TEAD1: variants seen among roughly 807,000 people sequenced by gnomAD.
The protein encoded by TEAD1 is transcriptional enhancer factor TEF-1.
Under a neutral mutation model 54.9 loss-of-function variants are expected in TEAD1, and 9 were observed. The ratio of observed to expected loss-of-function variants is 0.16; its 90% confidence interval spans 0.10 to 0.29. The LOEUF (loss-of-function observed/expected upper bound fraction) is 0.29. Among genes scored for constraint, TEAD1 ranks in the 10% least tolerant of loss-of-function variants. The pLI is 1.00. For missense variants in TEAD1, 387 were observed against 535.9 expected (o/e 0.72, Z 2.74); for synonymous variants, 200 against 187.8 (o/e 1.07, Z -0.53).
intron 5 of TEAD1, chr11:12,878,835 A>G (rs1589952283): frequency 8.2e-7 from 1 of 1,215,446 alleles, no homozygotes; most frequent in Non-Finnish European, 1.1e-6. Context: ...CAAAGAAGAA[A>G]AAAAATCCCT....
chr11:12,781,092 C>T (rs910679953), intron 3 of TEAD1, among the ~76,000 whole-genome samples: 1 of 152,140 alleles, frequency 6.6e-6, no homozygotes, highest in Non-Finnish European at 1.5e-5. Context: ...CAAGACAATT[C>T]AATAGGAAAT....
At chr11:12,937,037 C>T (rs1431527014) in intron 12 of TEAD1, 72 bp from the exon 13 acceptor site, 1 of 1,044,460 alleles carries the variant, frequency 9.6e-7, no homozygotes, top group Admixed American at 1.8e-5. Flanking sequence ...CCAATTAAGT[C>T]ATAGTCGTCA....
At chr11:12,750,964 T>C (rs1459605293) in intron 2 of TEAD1, among the ~76,000 whole-genome samples, 1 of 151,610 alleles carries the variant, frequency 6.6e-6, no homozygotes, top group African/African-American at 2.4e-5. Flanking sequence ...TTCAGTCCTG[T>C]TTTTTGGGGA....
intron 3 of TEAD1, among the ~76,000 whole-genome samples, chr11:12,799,910 T>C (rs998595730): frequency 6.7e-6 from 1 of 149,086 alleles, no homozygotes; most frequent in Non-Finnish European, 1.5e-5. Context: ...GAGAATGCAG[T>C]TTTTTTGAAA....
intron 3 of TEAD1, among the ~76,000 whole-genome samples, chr11:12,826,170 T>C (rs1022820647): frequency 2.6e-5 from 4 of 152,234 alleles, no homozygotes; most frequent in African/African-American, 9.6e-5. Flanking sequence ...CGAGAAGGTT[T>C]GCTAGCTCAT....
chr11:12,719,789 G>A lies in TEAD1; in HGVS notation c.-55+44228G>A, dbSNP rs531657393. On this transcript the variant is annotated intron_variant, in intron 2 of 12. Transcript: ENST00000527636. ...CCAGCTATACAATCTTGAGCTAATAGCTAAAAAAACTCTGACTTGAAAATT... is the reference window on the plus strand; with the variant it reads ...CCAGCTATACAATCTTGAGCTAATAACTAAAAAAACTCTGACTTGAAAATT... Among the ~76,000 whole-genome samples the A allele has an allele frequency of 2.1e-3, 300 of 143,706 alleles. 1 individual carries two copies. Among genetic ancestry groups the A allele is most frequent in the African/African-American group, 8.0e-3 (267 of 33,464 alleles). The allele number at this position is 143,706 out of a possible 152,430, so 94.3% of individuals were successfully genotyped here.
intron 5 of TEAD1, among the ~76,000 whole-genome samples, chr11:12,866,298 C>T (rs1249414565): frequency 6.6e-6 from 1 of 152,190 alleles, no homozygotes; most frequent in Non-Finnish European, 1.5e-5. Flanking sequence ...TTACAGATAA[C>T]AATGTTGTTT....
intron 11 of TEAD1, among the ~76,000 whole-genome samples, chr11:12,928,438 TG>T (rs1948943137): frequency 6.6e-6 from 1 of 151,994 alleles, no homozygotes; most frequent in Non-Finnish European, 1.5e-5. Flanking sequence ...TGTGCCACCA[TG>T]CCTGGCTAAT....
At chr11:12,832,883 A>G (rs936030848) in intron 3 of TEAD1, among the ~76,000 whole-genome samples, 1 of 152,280 alleles carries the variant, frequency 6.6e-6, no homozygotes, top group Admixed American at 6.5e-5. Context: ...GGCACCTGCT[A>G]GTGCAGTCTT....
chr11:12,900,867 A>G (rs1339227478), intron 9 of TEAD1, among the ~76,000 whole-genome samples: 2 of 152,194 alleles, frequency 1.3e-5, no homozygotes, highest in South Asian at 2.1e-4. Context: ...AGTGAACCCT[A>G]TTTGGTTCTG....
intron 3 of TEAD1, among the ~76,000 whole-genome samples, chr11:12,800,113 G>A (rs1348095303): frequency 6.6e-6 from 1 of 152,154 alleles, no homozygotes; most frequent in Non-Finnish European, 1.5e-5. Context: ...AGAAAGTTGG[G>A]TGAGAGAAGG....
chr11:12,682,152 A>G (rs1161661856), intron 2 of TEAD1, among the ~76,000 whole-genome samples: 1 of 152,236 alleles, frequency 6.6e-6, no homozygotes, highest in East Asian at 1.9e-4. Flanking sequence ...AAATTTGGCC[A>G]CTTCAAATTC....
At chr11:12,891,727 A>G (rs1395083509) in intron 9 of TEAD1, among the ~76,000 whole-genome samples, 1 of 152,216 alleles carries the variant, frequency 6.6e-6, no homozygotes, top group Non-Finnish European at 1.5e-5. Context: ...AGGGTTGACT[A>G]TTTGAACTTT....
Position 12,881,046 on chromosome 11 carries a change from A to C in TEAD1, c.507A>C (p.Ser169=), listed in dbSNP as rs565795088. The change falls in exon 7 of 13, where the codon TCA becomes TCC. Residue 169 remains serine, a synonymous_variant. Coordinates refer to ENST00000527636, the MANE Select transcript of TEAD1 (RefSeq NM_021961.6). The stretch of plus-strand genomic sequence containing the variant: ...TTCAAACAGGGCAGCCAGGATCCTC[A>C]CAAGAGTAAGTCTGAGGAGGGGTGG... 1 of 1,614,160 alleles carries C rather than the reference A, an allele frequency of 6.2e-7. No individual in the cohort carries two copies. Among genetic ancestry groups the C allele is most frequent in the East Asian group, 2.2e-5 (1 of 44,874 alleles).
intron 12 of TEAD1, among the ~76,000 whole-genome samples, chr11:12,932,042 A>G (rs1192281787): frequency 1.3e-5 from 2 of 152,260 alleles, no homozygotes; most frequent in African/African-American, 4.8e-5. Flanking sequence ...GCATACAACT[A>G]GCAAACAGAT....
chr11:12,792,555 A>G (rs1010477815), intron 3 of TEAD1, among the ~76,000 whole-genome samples: 2 of 152,168 alleles, frequency 1.3e-5, no homozygotes, highest in African/African-American at 4.8e-5. Flanking sequence ...GCATTGTCCT[A>G]CTAGTAGAAG....
chr11:12,908,014 C>G (rs767770584), intron 10 of TEAD1, among the ~76,000 whole-genome samples: 24 of 152,100 alleles, frequency 1.6e-4, no homozygotes, highest in Non-Finnish European at 2.8e-4. Context: ...TACATGGGAG[C>G]TAAGGTGTAT....
At chr11:12,683,144 CTTTT>C (rs1385005448) in intron 2 of TEAD1, among the ~76,000 whole-genome samples, 5 of 152,104 alleles carry the variant, frequency 3.3e-5, no homozygotes, top group Non-Finnish European at 5.9e-5. Context: ...TTGTATTTTC[CTTTT>C]TATGTAGGCA....
chr11:12,833,072 A>G (rs1404477225), intron 3 of TEAD1, among the ~76,000 whole-genome samples: 1 of 152,234 alleles, frequency 6.6e-6, no homozygotes, highest in African/African-American at 2.4e-5. Flanking sequence ...AATATATCTG[A>G]TGACATAGTT....
Sources: allele counts gnomAD v4.1 joint callset (sites outside exome capture counted in the v4.1 genomes callset), GRCh38; gene constraint gnomAD v4.1.1; transcripts MANE v1.5; gene names NCBI Gene and HGNC (gene_info 2026-07-23, HGNC 2026-07-21).